The following CARHSP1 variants were observed in gnomAD, a reference collection of about 807,000 sequenced individuals.
CARHSP1 encodes calcium-regulated heat-stable protein 1.
CARHSP1 carries 14 observed loss-of-function variants against 12.5 expected under a neutral mutation model. The ratio of observed to expected loss-of-function variants is 1.12; its 90% confidence interval spans 0.74 to 1.75. The LOEUF is 1.75. Among genes scored for constraint, CARHSP1 ranks in the 40% most tolerant of loss-of-function variants. The probability of loss-of-function intolerance (pLI) is 0.00; values close to 1 mark genes in which losing one functional copy is unlikely to be tolerated. For synonymous variants in CARHSP1, 161 were observed against 82.0 expected (o/e 1.96, Z -5.20); for missense variants, 343 against 201.6 (o/e 1.70, Z -4.25).
chr16:8,855,437 C>G, intron 3 of CARHSP1, 111 bp from the exon 4 acceptor site: 1 of 960,602 alleles, frequency 1.0e-6, no homozygotes, highest in Non-Finnish European at 1.4e-6. Context: ...CACCATCTGA[C>G]CAACCACCGG....
intron 2 of CARHSP1, 44 bp downstream of exon 2, chr16:8,859,127 A>G: frequency 5.3e-6 from 8 of 1,521,880 alleles, no homozygotes; most frequent in Non-Finnish European, 7.1e-6. Context: ...GCCTCAGGCA[A>G]GAGATCCATC....
intron 3 of CARHSP1, 139 bp downstream of exon 3, chr16:8,858,211 C>G: frequency 2.0e-6 from 2 of 1,019,196 alleles, no homozygotes; most frequent in Non-Finnish European, 2.8e-6. Context: ...GCTGGAGCAC[C>G]AGCCACAGGC....
At chr16:8,856,450 T>C (rs541584980) in intron 3 of CARHSP1, among the ~76,000 whole-genome samples, 28 of 152,326 alleles carry the variant, frequency 1.8e-4, no homozygotes, top group African/African-American at 6.3e-4. Flanking sequence ...TCACAATATT[T>C]CCATCTTCCT....
chr16:8,853,486 G>C lies in CARHSP1; in HGVS notation c.*1678C>G, dbSNP rs748209593. The C allele has an allele frequency of 6.6e-6, 1 of 152,096 alleles. No individual in the cohort carries two copies. The highest frequency in any genetic ancestry group is 2.4e-5 in the African/African-American group (1 of 41,416). The allele number at this position is 152,096 out of a possible 1,614,324, so 9.4% of individuals were successfully genotyped here. The stretch of plus-strand genomic sequence containing the variant: ...CTCCACACACTCGCAATCAACATGC[G>C]TATTTGCTATTCTCAAACAACTCCC... On this transcript the variant is annotated 3_prime_UTR_variant, in exon 4 of 4. Coordinates refer to ENST00000311052, the MANE Select transcript of CARHSP1 (RefSeq NM_014316.4).
At chr16:8,862,469 G>C (rs1339234119) in intron 1 of CARHSP1, among the ~76,000 whole-genome samples, 4 of 152,150 alleles carry the variant, frequency 2.6e-5, no homozygotes, top group Non-Finnish European at 5.9e-5. Flanking sequence ...GAGACAAAGG[G>C]CTGAACTTGA....
intron 1 of CARHSP1, among the ~76,000 whole-genome samples, chr16:8,865,196 GC>G (rs1306689811): frequency 6.6e-6 from 1 of 152,032 alleles, no homozygotes; most frequent in Non-Finnish European, 1.5e-5. Flanking sequence ...GCAGACCCCC[GC>G]CCCCCAGGTT....
chr16:8,854,181 C>G lies in CARHSP1; in HGVS notation c.*983G>C, dbSNP rs928708904. The G allele has an allele frequency of 1.8e-4, 28 of 152,074 alleles. No individual in the cohort carries two copies. The highest frequency in any genetic ancestry group is 4.1e-4 in the Non-Finnish European group (28 of 67,996). The allele number at this position is 152,074 out of a possible 1,614,324, so 9.4% of individuals were successfully genotyped here. ...TATGAAAAATAAGAAAAAAAAAATC[C>G]CTAAGCATTTCTTAACACTAGTTTT... is the stretch of plus-strand genomic sequence containing the variant. On this transcript the variant is annotated 3_prime_UTR_variant, in exon 4 of 4. Coordinates refer to ENST00000311052, the MANE Select transcript of CARHSP1 (RefSeq NM_014316.4).
In CARHSP1 at chr16:8,853,027, C is replaced by T. The variant is rs1452001016; in HGVS notation, c.*2137G>A. The T allele has an allele frequency of 6.6e-6, 1 of 152,160 alleles. No individual in the cohort carries two copies. Among genetic ancestry groups the T allele is most frequent in the Non-Finnish European group, 1.5e-5 (1 of 68,052 alleles). 9.4% of individuals were successfully genotyped at this position (152,160 alleles called of 1,614,324 possible). Reference sequence around the variant, plus strand: ...GATTCAGGAATCCTCAATTTTAGCTCTCGCTCTGTCACCAAAACCCTCCGT... The same window carrying T: ...GATTCAGGAATCCTCAATTTTAGCTTTCGCTCTGTCACCAAAACCCTCCGT... On this transcript the variant is annotated 3_prime_UTR_variant, in exon 4 of 4. Transcript: ENST00000311052.
At chr16:8,864,427 C>T (rs527787641) in intron 1 of CARHSP1, among the ~76,000 whole-genome samples, 4 of 152,340 alleles carry the variant, frequency 2.6e-5, no homozygotes, top group Non-Finnish European at 4.4e-5. Context: ...ACCACCACAG[C>T]AGTGTCCTGG....
chr16:8,859,145 G>T (rs371517837), intron 2 of CARHSP1, 26 bp downstream of exon 2: 3 of 1,556,410 alleles, frequency 1.9e-6, no homozygotes, highest in East Asian at 2.3e-5. Context: ...ATCTGAGAAC[G>T]CGTCCCCAGC....
intron 1 of CARHSP1, chr16:8,867,509 GA>G (rs2061472406): frequency 6.6e-6 from 1 of 152,408 alleles, no homozygotes; most frequent in Non-Finnish European, 1.5e-5. Context: ...CCTGCTGATG[GA>G]ACACAAACCA....
Position 8,856,591 on chromosome 16 carries a change from T to TG in CARHSP1, c.282-1266_282-1265insC, listed in dbSNP as rs928665765. ...TGTGAAATGCGTCACCTTGGTATTC[T>TG]CCTGCCTGCCGATCTGATAGGTAAG... On this transcript the variant is annotated intron_variant, in intron 3 of 3. Coordinates refer to ENST00000311052, the MANE Select transcript of CARHSP1 (RefSeq NM_014316.4). Among the ~76,000 whole-genome samples, 20 of 148,520 alleles carry TG rather than the reference T, an allele frequency of 1.3e-4. No individual in the cohort carries two copies. In the East Asian group the frequency reaches 1.4e-3, roughly 11 times the overall value.
chr16:8,856,644 G>C (rs935981630), intron 3 of CARHSP1, among the ~76,000 whole-genome samples: 1 of 152,036 alleles, frequency 6.6e-6, no homozygotes, highest in Non-Finnish European at 1.5e-5. Flanking sequence ...CAAAGGAGGG[G>C]TAACTCCCCC....
intron 2 of CARHSP1, chr16:8,858,956 A>C: frequency 2.1e-6 from 1 of 477,644 alleles, no homozygotes; most frequent in South Asian, 4.2e-5. Context: ...ACCCATTGCC[A>C]CTCCCAGCTG....
Position 8,857,263 on chromosome 16 carries a change from G to GTTTTTTGTTTTTTTTTTTTT in CARHSP1, c.281+1086_281+1087insAAAAAAAAAAAAACAAAAAA, listed in dbSNP as rs1315960023. On this transcript the variant is annotated intron_variant, in intron 3 of 3. Transcript: ENST00000311052. Reference sequence around the variant, plus strand: ...TGGCTATGTGATCTTGGGCAGATCTGTTTTTTTTTTTTTTTTTTTTTTTTT... The same window carrying GTTTTTTGTTTTTTTTTTTTT: ...TGGCTATGTGATCTTGGGCAGATCTGTTTTTTGTTTTTTTTTTTTTTTTTTTTTTTTTTTTTTTTTTTTTT... Among the ~76,000 whole-genome samples, 34 of 57,036 alleles carry GTTTTTTGTTTTTTTTTTTTT rather than the reference G, an allele frequency of 6.0e-4. 5 individuals carry two copies. The highest frequency in any genetic ancestry group is 6.3e-4 in the Non-Finnish European group (17 of 26,900). 37.4% of individuals were successfully genotyped at this position (57,036 alleles called of 152,430 possible).
chr16:8,863,261 C>T (rs141596661), intron 1 of CARHSP1, among the ~76,000 whole-genome samples: 9 of 150,944 alleles, frequency 6.0e-5, no homozygotes, highest in East Asian at 2.0e-4. Flanking sequence ...TGTGGGACTA[C>T]GGCCACGTGC....
chr16:8,863,187 A>G (rs2061398247), intron 1 of CARHSP1, among the ~76,000 whole-genome samples: 1 of 136,074 alleles, frequency 7.3e-6, no homozygotes, highest in South Asian at 2.2e-4. Flanking sequence ...TGGCGCGATC[A>G]TGGCTCACTG....
chr16:8,862,620 A>G (rs1158801777), intron 1 of CARHSP1, among the ~76,000 whole-genome samples: 1 of 152,228 alleles, frequency 6.6e-6, no homozygotes, highest in African/African-American at 2.4e-5. Flanking sequence ...GACCCTGAAC[A>G]GCAAGAAAGG....
intron 1 of CARHSP1, among the ~76,000 whole-genome samples, chr16:8,862,347 G>A (rs1020374573): frequency 2.6e-5 from 4 of 152,042 alleles, no homozygotes; most frequent in African/African-American, 9.7e-5. Context: ...TGGGCACACT[G>A]TCCGCCCAGG....
Sources: gnomAD v4.1 joint callset for allele counts (sites outside exome capture counted in the v4.1 genomes callset) on GRCh38, gnomAD v4.1.1 for gene constraint, MANE v1.5 for transcripts, NCBI Gene and HGNC (gene_info 2026-07-23, HGNC 2026-07-21) for gene names.